ZNF487: variants seen among roughly 807,000 people sequenced by gnomAD.
ZNF487 encodes KRAB domain only 1.
Under a neutral mutation model 3.0 loss-of-function variants are expected in ZNF487, and 4 were observed. The ratio of observed to expected loss-of-function variants is 1.35; its 90% CI spans 0.66 to 3.08. ZNF487 has a LOEUF of 3.08. Among genes scored for constraint, ZNF487 ranks in the 30% most tolerant of loss-of-function variants. The pLI, the probability that ZNF487 is intolerant of heterozygous loss-of-function variation, is 0.01. For synonymous variants in ZNF487, 55 were observed against 34.6 expected, an observed-to-expected ratio of 1.59 and a Z score of -2.06; for missense variants, 146 against 98.7, an observed-to-expected ratio of 1.48 and a Z score of -2.03.
At chr10:43,523,656 G>C in the ZNF487 span, 1 of 152,892 alleles carries the variant, frequency 6.5e-6, no homozygotes, top group Non-Finnish European at 1.5e-5. Flanking sequence ...TGAATACCTT[G>C]AGTGTGGGAA....
intron 3 of ZNF487, among the ~76,000 whole-genome samples, chr10:43,479,496 G>A (rs1473964494): frequency 1.3e-5 from 2 of 152,048 alleles, no homozygotes; most frequent in African/African-American, 2.4e-5. Context: ...TTGCTTGTAA[G>A]GATAATAGAA....
chr10:43,494,657 T>A, the ZNF487 span, among the ~76,000 whole-genome samples: 6 of 150,044 alleles, frequency 4.0e-5, no homozygotes, highest in Admixed American at 1.4e-4. Flanking sequence ...AGAAAATCAG[T>A]ACACTTGAGG....
upstream of ZNF487, chr10:43,436,921 C>T (rs1241051366): frequency 2.1e-6 from 1 of 468,440 alleles, no homozygotes; most frequent in East Asian, 7.0e-5. Flanking sequence ...CCGTGTCTTC[C>T]TGAAGAAGGC....
intron 1 of ZNF487, among the ~76,000 whole-genome samples, chr10:43,442,287 AAAAC>A (rs1839643618): frequency 6.6e-6 from 1 of 152,062 alleles, no homozygotes; most frequent in African/African-American, 2.4e-5. Context: ...AACAAAGAAA[AAAAC>A]TCTTGCTGTG....
At chr10:43,472,779 T>A (rs1012786221) in intron 1 of ZNF487, among the ~76,000 whole-genome samples, 1 of 152,172 alleles carries the variant, frequency 6.6e-6, no homozygotes, top group African/African-American at 2.4e-5. Context: ...AATGTGCCCT[T>A]TTCCTGGAGT....
rs79657643 is a variant in ZNF487, at chr10:43,450,499, T to C, written c.-94+13237T>C. Among the ~76,000 whole-genome samples the C allele has an allele frequency of 6.1e-3, 930 of 152,236 alleles. 9 individuals are homozygous for C. The highest frequency in any genetic ancestry group is 0.018 in the African/African-American group (738 of 41,554). ...TCCTGAGTATCTGGGATTACAGGAA[T>C]GTGCTACCACACCTGGCTAATTTTT... is the stretch of plus-strand genomic sequence containing the variant. On this transcript the variant is annotated intron_variant, in intron 1 of 3. Coordinates refer to ENST00000437590, the MANE Select transcript of ZNF487 (RefSeq NM_001355444.3).
chr10:43,507,970 G>A, the ZNF487 span, among the ~76,000 whole-genome samples: 3 of 152,302 alleles, frequency 2.0e-5, no homozygotes, highest in Non-Finnish European at 2.9e-5. Flanking sequence ...GGAAAAGGCG[G>A]GACTGTTGCT....
chr10:43,499,152 C>A, the ZNF487 span, among the ~76,000 whole-genome samples: 1 of 151,988 alleles, frequency 6.6e-6, no homozygotes, highest in Non-Finnish European at 1.5e-5. Flanking sequence ...CTAAAATAAG[C>A]AAAACACTAT....
At chr10:43,469,592 C>G (rs1292919638) in intron 1 of ZNF487, among the ~76,000 whole-genome samples, 4 of 151,976 alleles carry the variant, frequency 2.6e-5, no homozygotes, top group Non-Finnish European at 5.9e-5. Context: ...CCTCCCACTT[C>G]AACCTTCCAA....
At chr10:43,492,710 C>T in the ZNF487 span, among the ~76,000 whole-genome samples, 1 of 152,056 alleles carries the variant, frequency 6.6e-6, no homozygotes, top group Admixed American at 6.6e-5. Context: ...GCCTCGGCCT[C>T]CCAAAGTCAT....
At chr10:43,489,231 G>T in the ZNF487 span, among the ~76,000 whole-genome samples, 34 of 152,110 alleles carry the variant, frequency 2.2e-4, no homozygotes, top group African/African-American at 8.2e-4. Flanking sequence ...AAGGAGGATT[G>T]CTTGAGGCCA....
intron 1 of ZNF487, among the ~76,000 whole-genome samples, chr10:43,460,759 C>G (rs1840403284): frequency 6.6e-6 from 1 of 151,086 alleles, no homozygotes; most frequent in African/African-American, 2.4e-5. Context: ...GTGGCCCTAT[C>G]TCAGCTTACT....
At chr10:43,502,659 A>G in the ZNF487 span, among the ~76,000 whole-genome samples, 1 of 152,222 alleles carries the variant, frequency 6.6e-6, no homozygotes, top group African/African-American at 2.4e-5. Flanking sequence ...TGATGATGAC[A>G]ATAAATGCCT....
At chr10:43,502,914 T>G in the ZNF487 span, among the ~76,000 whole-genome samples, 3 of 151,340 alleles carry the variant, frequency 2.0e-5, no homozygotes, top group Admixed American at 6.6e-5. Flanking sequence ...GCCTGTAGTC[T>G]CAGCTATTCA....
downstream of ZNF487, among the ~76,000 whole-genome samples, chr10:43,486,440 C>T (rs1425688883): frequency 1.3e-5 from 2 of 151,758 alleles, no homozygotes; most frequent in Non-Finnish European, 2.9e-5. Flanking sequence ...GCAGGAGAAT[C>T]GCTTGAACCT....
chr10:43,498,097 ATATTTTTTTTTTTTTTCTTTTTT>A, the ZNF487 span, among the ~76,000 whole-genome samples: 11 of 10,048 alleles, frequency 1.1e-3, no homozygotes, highest in African/African-American at 3.3e-3. Context: ...ATATATATAT[ATATTTTTTTTTTTTTTCTTTTTT>A]TTTTTTTTTT....
chr10:43,469,756 C>G (rs927396730), intron 1 of ZNF487, among the ~76,000 whole-genome samples: 12 of 151,998 alleles, frequency 7.9e-5, no homozygotes, highest in Middle Eastern at 3.4e-3. Flanking sequence ...TGAGACCAGC[C>G]CGGCCAACAT....
intron 1 of ZNF487, among the ~76,000 whole-genome samples, chr10:43,444,382 A>G (rs1839727419): frequency 6.6e-6 from 1 of 152,144 alleles, no homozygotes; most frequent in African/African-American, 2.4e-5. Context: ...CTTTCAGTCC[A>G]TATCATGTTT....
chr10:43,470,313 C>T (rs577864879), intron 1 of ZNF487, among the ~76,000 whole-genome samples: 8 of 151,330 alleles, frequency 5.3e-5, no homozygotes, highest in African/African-American at 1.2e-4. Flanking sequence ...CCCTGGGCTT[C>T]GGTGATACTC....
Sources: allele counts gnomAD v4.1 joint callset (sites outside exome capture counted in the v4.1 genomes callset), GRCh38; gene constraint gnomAD v4.1.1; transcripts MANE v1.5; gene names NCBI Gene and HGNC (gene_info 2026-07-23, HGNC 2026-07-21).